The following ERBB4 variants were observed in gnomAD, a reference collection of about 807,000 sequenced individuals.
ERBB4 encodes erb-b2 receptor tyrosine kinase 4, also known as receptor tyrosine-protein kinase erbB-4.
Under a neutral mutation model 158.0 loss-of-function variants are expected in ERBB4, and 42 were observed. That is an observed-to-expected ratio of 0.27 (90% CI 0.21 to 0.34). ERBB4 has a LOEUF of 0.34. ERBB4 is among the 10% of genes least tolerant of loss of function. The probability of loss-of-function intolerance (pLI) is 1.00; values close to 1 mark genes in which losing one functional copy is unlikely to be tolerated. For missense variants in ERBB4, 1,333 were observed against 1,624.1 expected (o/e 0.82, Z 3.08); for synonymous variants, 583 against 558.7 (o/e 1.04, Z -0.61).
intron 4 of ERBB4, among the ~76,000 whole-genome samples, chr2:211,766,342 C>T (rs1009692367): frequency 3.9e-5 from 6 of 152,288 alleles, no homozygotes; most frequent in African/African-American, 1.4e-4. Context: ...ACATCCCTTG[C>T]CCCAATCCTC....
rs564647806 is a variant in ERBB4, at chr2:212,167,211, T to C, written c.83-42308A>G. Among the ~76,000 whole-genome samples the C allele has an allele frequency of 2.6e-5, 4 of 151,956 alleles. No individual in the cohort carries two copies. The South Asian group carries it at 8.3e-4, about 32-fold the overall frequency. ...CTACCCATCTGACAAAGGTCTAATA[T>C]CCAGAATTTACAAGGAACTTAAACA... is the stretch of plus-strand genomic sequence containing the variant. On this transcript the variant is annotated intron_variant, in intron 1 of 27. Transcript: ENST00000342788.
At chr2:212,394,379 A>G (rs1163166458) in intron 1 of ERBB4, among the ~76,000 whole-genome samples, 1 of 152,126 alleles carries the variant, frequency 6.6e-6, no homozygotes, top group Non-Finnish European at 1.5e-5. Context: ...TCGCTAATAT[A>G]ATGTTAATCT....
chr2:212,320,734 C>T (rs2087531449), intron 1 of ERBB4, among the ~76,000 whole-genome samples: 1 of 149,816 alleles, frequency 6.7e-6, no homozygotes, highest in African/African-American at 2.4e-5. Context: ...GGCCCTAGGG[C>T]CAGGTTTGTT....
intron 2 of ERBB4, among the ~76,000 whole-genome samples, chr2:212,025,033 T>C (rs774814709): frequency 1.3e-5 from 2 of 151,872 alleles, no homozygotes; most frequent in African/African-American, 4.8e-5. Context: ...GTACCATTAA[T>C]GTAAGCATAT....
chr2:212,161,147 A>G (rs1184326580), intron 1 of ERBB4, among the ~76,000 whole-genome samples: 2 of 151,958 alleles, frequency 1.3e-5, no homozygotes, highest in Non-Finnish European at 2.9e-5. Context: ...TAACAATAAC[A>G]ACTCAAAAAG....
chr2:212,423,022 T>C (rs2091830964), intron 1 of ERBB4, among the ~76,000 whole-genome samples: 1 of 152,196 alleles, frequency 6.6e-6, no homozygotes, highest in African/African-American at 2.4e-5. Context: ...CTATATTCCA[T>C]ATTTTTAGAA....
intron 20 of ERBB4, among the ~76,000 whole-genome samples, chr2:211,528,011 G>A (rs114025002): frequency 6.6e-6 from 1 of 151,810 alleles, no homozygotes; most frequent in Non-Finnish European, 1.5e-5. Context: ...AAGTCCTTAC[G>A]GACAATAACA....
Position 212,402,828 on chromosome 2 carries a change from T to C in ERBB4, c.82+135621A>G, listed in dbSNP as rs1182476217. The stretch of plus-strand genomic sequence containing the variant: ...AAACATTTTTATATAGTTTTATCAA[T>C]AAATATCATACCAAAAATAATTAAT... On this transcript the variant is annotated intron_variant, in intron 1 of 27. Transcript: ENST00000342788. 7.2e-5 allele frequency among the ~76,000 whole-genome samples: 11 copies of C among 152,082 alleles called. No homozygotes were observed. The East Asian group carries it at 1.3e-3, about 19-fold the overall frequency.
intron 1 of ERBB4, among the ~76,000 whole-genome samples, chr2:212,506,953 T>C (rs1157681005): frequency 1.3e-5 from 2 of 152,312 alleles, no homozygotes; most frequent in East Asian, 1.9e-4. Context: ...AGCACTTTCA[T>C]AGAAAGAAGT....
chr2:212,258,901 T>C (rs561871647), intron 1 of ERBB4, among the ~76,000 whole-genome samples: 1 of 152,108 alleles, frequency 6.6e-6, no homozygotes, highest in South Asian at 2.1e-4. Flanking sequence ...ATGATCATCT[T>C]AGAGGAAAGT....
chr2:212,408,043 A>T (rs1004841528), intron 1 of ERBB4, among the ~76,000 whole-genome samples: 1 of 152,036 alleles, frequency 6.6e-6, no homozygotes, highest in African/African-American at 2.4e-5. Flanking sequence ...TAAATATATT[A>T]AAATATTTGT....
intron 2 of ERBB4, among the ~76,000 whole-genome samples, chr2:212,040,753 G>A (rs983213936): frequency 2.6e-5 from 4 of 152,032 alleles, no homozygotes; most frequent in African/African-American, 9.7e-5. Context: ...GGCTGTTTGT[G>A]ACCTGCTCTA....
chr2:212,318,732 A>G (rs1253755470), intron 1 of ERBB4, among the ~76,000 whole-genome samples: 1 of 151,612 alleles, frequency 6.6e-6, no homozygotes, highest in Non-Finnish European at 1.5e-5. Flanking sequence ...TAACAGGTAA[A>G]TCTACTGAAC....
chr2:211,652,500 G>GA lies in ERBB4; in HGVS notation c.1946+5253dup, dbSNP rs200414369. ...GTTCCTTGGGGGCAAAACAAACAAG[G>GA]AAAAAAAAATGTGCCAATTGTGAAA... On this transcript the variant is annotated intron_variant, in intron 16 of 27. Coordinates refer to ENST00000342788, the MANE Select transcript of ERBB4 (RefSeq NM_005235.3). 5.3e-5 allele frequency among the ~76,000 whole-genome samples: 8 copies of GA among 150,788 alleles called. No individual in the cohort carries two copies. In the East Asian group the frequency reaches 5.8e-4, roughly 11 times the overall value.
chr2:212,333,967 A>C (rs1202147819), intron 1 of ERBB4, among the ~76,000 whole-genome samples: 1 of 152,080 alleles, frequency 6.6e-6, no homozygotes, highest in Non-Finnish European at 1.5e-5. Flanking sequence ...TTACAAGCAC[A>C]CTGGACTGGA....
chr2:211,682,919 T>A (rs1190739382), intron 12 of ERBB4, among the ~76,000 whole-genome samples: 2 of 151,860 alleles, frequency 1.3e-5, no homozygotes, highest in Non-Finnish European at 2.9e-5. Context: ...CTTAGTTTTT[T>A]TTTTCCTGTT....
chr2:211,523,657 G>A (rs931378703), intron 20 of ERBB4, among the ~76,000 whole-genome samples: 4 of 151,772 alleles, frequency 2.6e-5, no homozygotes, highest in Admixed American at 6.6e-5. Flanking sequence ...TCGTGGTCCC[G>A]CCGGCTTCAG....
At chr2:212,419,637 G>A (rs1307843241) in intron 1 of ERBB4, among the ~76,000 whole-genome samples, 2 of 151,600 alleles carry the variant, frequency 1.3e-5, no homozygotes, top group Non-Finnish European at 3.0e-5. Context: ...TAATTTAATT[G>A]ATTCACTTAT....
chr2:212,407,195 A>T (rs1283753675), intron 1 of ERBB4, among the ~76,000 whole-genome samples: 2 of 151,492 alleles, frequency 1.3e-5, no homozygotes, highest in Admixed American at 1.3e-4. Context: ...ATAAATACAT[A>T]TATGTATGTA....
Sources: allele counts gnomAD v4.1 joint callset (sites outside exome capture counted in the v4.1 genomes callset), GRCh38; gene constraint gnomAD v4.1.1; transcripts MANE v1.5; gene names NCBI Gene and HGNC (gene_info 2026-07-23, HGNC 2026-07-21).